The following INPP5D variants were observed in gnomAD, a reference collection of about 807,000 sequenced individuals.
INPP5D encodes inositol polyphosphate-5-phosphatase D.
In INPP5D, 33 loss-of-function variants were observed where a neutral mutation model predicts 122.9. The ratio of observed to expected loss-of-function variants is 0.27; its 90% CI spans 0.20 to 0.36. INPP5D has a LOEUF of 0.36. Among genes scored for constraint, INPP5D ranks in the 10% least tolerant of loss-of-function variants. The pLI is 1.00. For synonymous variants in INPP5D, 584 were observed against 576.2 expected, an observed-to-expected ratio of 1.01 and a Z score of -0.19; for missense variants, 1,053 against 1,412.7, an observed-to-expected ratio of 0.75 and a Z score of 4.08.
In INPP5D at chr2:233,069,720, G is replaced by A. The variant is rs61487211; in HGVS notation, c.134+9108G>A. ...TACAGGATTCTATTACATGATGTGC[G>A]ACACTTCATGAAATGATTCTTCTAT... is the stretch of plus-strand genomic sequence containing the variant. On this transcript the variant is annotated intron_variant, in intron 1 of 26. Transcript: ENST00000445964. Among the ~76,000 whole-genome samples the A allele has an allele frequency of 2.4e-3, 363 of 152,132 alleles. 3 individuals carry two copies. The highest frequency in any genetic ancestry group is 0.019 in the East Asian group (97 of 5,182).
At chr2:233,145,189 T>C in intron 6 of INPP5D, 1 of 455,972 alleles carries the variant, frequency 2.2e-6, no homozygotes, top group Non-Finnish European at 4.4e-6. Flanking sequence ...TGTAAATGTT[T>C]CTTCTGTGAA....
intron 17 of INPP5D, among the ~76,000 whole-genome samples, chr2:233,173,938 A>G (rs938132397): frequency 2.6e-5 from 4 of 151,740 alleles, no homozygotes; most frequent in African/African-American, 9.7e-5. Flanking sequence ...AAAAAAAAAC[A>G]AAAACAAAAA....
intron 2 of INPP5D, among the ~76,000 whole-genome samples, chr2:233,099,666 A>G (rs1286263362): frequency 6.6e-6 from 1 of 152,232 alleles, no homozygotes; most frequent in Non-Finnish European, 1.5e-5. Flanking sequence ...AAAATTATGA[A>G]CCAGTTACAA....
intron 6 of INPP5D, chr2:233,141,576 CAGA>C (rs1233026790): frequency 4.7e-5 from 7 of 148,378 alleles, no homozygotes; most frequent in Admixed American, 6.8e-5. Context: ...CCATCTAAAA[CAGA>C]AAAAAAAAAG....
At chr2:233,130,814 T>G in intron 5 of INPP5D, 166 bp downstream of exon 5, 1 of 802,432 alleles carries the variant, frequency 1.2e-6, no homozygotes, top group Non-Finnish European at 2.1e-6. Flanking sequence ...TGTTTGGAGG[T>G]CTTGTTATCA....
Position 233,078,041 on chromosome 2 carries a change from G to T in INPP5D, c.135-1294G>T, listed in dbSNP as rs752730889. Among the ~76,000 whole-genome samples, 1 of 152,172 alleles carries T rather than the reference G, an allele frequency of 6.6e-6. No homozygotes were observed. Among genetic ancestry groups the T allele is most frequent in the African/African-American group, 2.4e-5 (1 of 41,432 alleles). On this transcript the variant is annotated intron_variant, in intron 1 of 26. Coordinates refer to ENST00000445964, the MANE Select transcript of INPP5D (RefSeq NM_001017915.3). The surrounding 1 kb of genome is among the most constrained non-coding windows in gnomAD (Gnocchi z 4.6). ...GGCCAGGTGAGCCTTCCGGGCTCAGGAGAATCTTAAGTAGCAAAATGGGGC... is the reference window on the plus strand; with the variant it reads ...GGCCAGGTGAGCCTTCCGGGCTCAGTAGAATCTTAAGTAGCAAAATGGGGC...
chr2:233,105,604 C>T lies in INPP5D; in HGVS notation c.199-16503C>T, dbSNP rs1171504400. ...TGGTCCCTGATGCCGGGGGCTGAGC[C>T]GGGGGGAAGAGAGCCAGAGGGGAAG... On this transcript the variant is annotated intron_variant, in intron 2 of 26. Transcript: ENST00000445964. The surrounding 1 kb of genome is among the most constrained non-coding windows in gnomAD (Gnocchi z 4.0). Among the ~76,000 whole-genome samples the T allele has an allele frequency of 1.3e-5, 2 of 152,002 alleles. No homozygotes were observed. The highest frequency in any genetic ancestry group is 2.4e-5 in the African/African-American group (1 of 41,358).
chr2:233,090,667 G>A (rs1045627717), intron 2 of INPP5D, among the ~76,000 whole-genome samples: 2 of 152,120 alleles, frequency 1.3e-5, no homozygotes, highest in Admixed American at 1.3e-4. Context: ...CAGATTCAAA[G>A]TCACTTGGGG....
chr2:233,061,635 C>A (rs1243675089), intron 1 of INPP5D, among the ~76,000 whole-genome samples: 1 of 152,182 alleles, frequency 6.6e-6, no homozygotes, highest in South Asian at 2.1e-4. Flanking sequence ...ACAGCTGGGA[C>A]CTGTCGTGCT....
intron 18 of INPP5D, among the ~76,000 whole-genome samples, chr2:233,179,105 C>T (rs2106311083): frequency 6.6e-6 from 1 of 152,374 alleles, no homozygotes; most frequent in Middle Eastern, 3.4e-3. Context: ...AGTGACGTCA[C>T]TAGACGAACT....
At chr2:233,153,749 T>G (rs905835609) in intron 9 of INPP5D, among the ~76,000 whole-genome samples, 1 of 152,186 alleles carries the variant, frequency 6.6e-6, no homozygotes, top group African/African-American at 2.4e-5. Context: ...AGATTGGATA[T>G]TCTTTGGAGA....
intron 2 of INPP5D, among the ~76,000 whole-genome samples, chr2:233,089,304 T>C (rs1691932426): frequency 6.6e-6 from 1 of 152,238 alleles, no homozygotes. Flanking sequence ...TGTTCTTTAA[T>C]CCTGGGGAAG....
At chr2:233,161,249 G>A (rs1378364709) in intron 10 of INPP5D, among the ~76,000 whole-genome samples, 1 of 152,008 alleles carries the variant, frequency 6.6e-6, no homozygotes, top group Non-Finnish European at 1.5e-5. Context: ...GCACCACCAC[G>A]CTTGGCTAAT....
At chr2:233,174,650 G>T (rs764923952) in intron 17 of INPP5D, among the ~76,000 whole-genome samples, 123 of 152,040 alleles carry the variant, frequency 8.1e-4, no homozygotes, top group Non-Finnish European at 1.7e-3. Context: ...AAATTAGCCA[G>T]GTGTGGTGGC....
rs945634796 is a variant in INPP5D at position 233,189,429 on chromosome 2, T to G, written c.2359-421T>G. On this transcript the variant is annotated intron_variant, in intron 21 of 26. Coordinates refer to ENST00000445964, the MANE Select transcript of INPP5D (RefSeq NM_001017915.3). This position sits in a 1 kb window ranked among gnomAD's most constrained non-coding sequence, Gnocchi z 5.6. ...GGCCAAGGAGAAATTCTGTGCTCTGTAGGGGGAGCCTGGCGCAGGGTGGAG... is the reference window on the plus strand; with the variant it reads ...GGCCAAGGAGAAATTCTGTGCTCTGGAGGGGGAGCCTGGCGCAGGGTGGAG... Among the ~76,000 whole-genome samples the G allele has an allele frequency of 6.6e-6, 1 of 152,166 alleles. No individual in the cohort carries two copies. The highest frequency in any genetic ancestry group is 2.4e-5 in the African/African-American group (1 of 41,448).
At chr2:233,069,865 C>A (rs4973599) in intron 1 of INPP5D, among the ~76,000 whole-genome samples, 10,618 of 152,116 alleles carry the variant, frequency 0.07, 456 homozygotes, top group Admixed American at 0.096. Context: ...ATTACTAGAT[C>A]GAGGGACAGG....
At chr2:233,166,433 G>A (rs776219483) in intron 13 of INPP5D, among the ~76,000 whole-genome samples, 3 of 152,204 alleles carry the variant, frequency 2.0e-5, no homozygotes, top group Non-Finnish European at 4.4e-5. Flanking sequence ...GTGCACTGGC[G>A]AAGGAGTGTG....
intron 2 of INPP5D, among the ~76,000 whole-genome samples, chr2:233,119,347 C>A (rs1370111157): frequency 1.3e-5 from 2 of 152,160 alleles, no homozygotes; most frequent in Non-Finnish European, 2.9e-5. Flanking sequence ...CAGTCTGACA[C>A]TTTTCACGAC....
At chr2:233,167,592 C>T (rs1301117305) in intron 13 of INPP5D, among the ~76,000 whole-genome samples, 1 of 152,108 alleles carries the variant, frequency 6.6e-6, no homozygotes, top group Admixed American at 6.6e-5. Context: ...GAGCTAGGTG[C>T]AGTGGAGAGG....
Sources: gnomAD v4.1 joint callset for allele counts (sites outside exome capture counted in the v4.1 genomes callset) on GRCh38, gnomAD v4.1.1 for gene constraint, Gnocchi (gnomAD v3.1) non-coding constraint, MANE v1.5 for transcripts, NCBI Gene and HGNC (gene_info 2026-07-23, HGNC 2026-07-21) for gene names.